Variants in FGF13 observed in about 807,000 individuals in gnomAD.
FGF13 encodes the protein fibroblast growth factor 13.
A neutral mutation model predicts 19.5 loss-of-function variants in FGF13; 2 were observed. The ratio of observed to expected loss-of-function variants is 0.10; its 90% CI spans 0.04 to 0.32. FGF13 has a LOEUF of 0.32. Among genes scored for constraint, FGF13 ranks in the 10% least tolerant of loss-of-function variants. The pLI is 1.00. For synonymous variants in FGF13, 72 were observed against 76.9 expected, an observed-to-expected ratio of 0.94 and a Z score of 0.33; for missense variants, 113 against 192.7, an observed-to-expected ratio of 0.59 and a Z score of 2.45.
intron 1 of FGF13, among the ~76,000 whole-genome samples, chrX:139,073,133 TCC>T (rs112886945): frequency 1.9e-5 from 2 of 104,157 alleles, no homozygotes; most frequent in African/African-American, 7.0e-5. Flanking sequence ...GAGCTGTTTT[TCC>T]CCCCCCCCTT....
At chrX:139,193,057 T>A (rs1015998237) in intron 1 of FGF13, among the ~76,000 whole-genome samples, 7 of 111,683 alleles carry the variant, frequency 6.3e-5, no homozygotes, top group Non-Finnish European at 1.3e-4. Context: ...AATTTACACA[T>A]GCATTAAAAT....
chrX:139,029,246 C>G (rs1405150067), intron 1 of FGF13, among the ~76,000 whole-genome samples: 1 of 111,854 alleles, frequency 8.9e-6, no homozygotes, highest in Non-Finnish European at 1.9e-5. Flanking sequence ...CTGCATTCAG[C>G]AAGCCGTGAA....
At chrX:138,775,080 C>T (rs895034096) in intron 3 of FGF13, among the ~76,000 whole-genome samples, 6 of 112,457 alleles carry the variant, frequency 5.3e-5, no homozygotes, top group Non-Finnish European at 9.4e-5. Flanking sequence ...GTGCCTCAGC[C>T]TCCCAAGTAG....
At chrX:138,638,725 C>G (rs777257226) in intron 3 of FGF13, among the ~76,000 whole-genome samples, 1 of 112,026 alleles carries the variant, frequency 8.9e-6, no homozygotes, top group South Asian at 3.7e-4. Context: ...AAAAAGTCTG[C>G]AGGGATTTTC....
At chrX:138,934,014 T>C (rs930475136) in intron 1 of FGF13, among the ~76,000 whole-genome samples, 2 of 112,355 alleles carry the variant, frequency 1.8e-5, no homozygotes, top group African/African-American at 3.2e-5. Flanking sequence ...TATTTCAAAA[T>C]CTTCTATAAT....
chrX:139,106,023 T>A lies in FGF13; in HGVS notation c.-113+97393A>T, dbSNP rs185471432. 8.6e-4 allele frequency among the ~76,000 whole-genome samples: 97 copies of A among 112,517 alleles called. 1 individual carries two copies. Among genetic ancestry groups the A allele is most frequent in the African/African-American group, 2.8e-3 (86 of 31,021 alleles). On this transcript the variant is annotated intron_variant, in intron 1 of 2. Coordinates refer to the FGF13 transcript ENST00000421460. ...TGTGGAGAGGCATTTGGTTGACTTC[T>A]GTTGGCAATAGCAGCATTCCAGAGA...
intron 1 of FGF13, among the ~76,000 whole-genome samples, chrX:139,122,367 T>C (rs1468399426): frequency 4.5e-5 from 5 of 111,589 alleles, no homozygotes; most frequent in Non-Finnish European, 9.4e-5. Context: ...GTAAAGCTGT[T>C]AGACAGAAAT....
intron 1 of FGF13, among the ~76,000 whole-genome samples, chrX:138,956,753 T>C (rs750835782): frequency 9.0e-6 from 1 of 111,496 alleles, no homozygotes; most frequent in East Asian, 2.8e-4. Flanking sequence ...AGGGATTCTC[T>C]GGTTAAAATA....
intron 3 of FGF13, among the ~76,000 whole-genome samples, chrX:138,696,122 A>T (rs1044056247): frequency 8.9e-6 from 1 of 111,994 alleles, no homozygotes; most frequent in African/African-American, 3.2e-5. Context: ...GAATAAACCA[A>T]TGTAGGAACA....
chrX:138,664,276 C>T (rs1041909859), intron 3 of FGF13, among the ~76,000 whole-genome samples: 2 of 111,873 alleles, frequency 1.8e-5, no homozygotes, highest in Admixed American at 1.9e-4. Flanking sequence ...GAAACTTTGG[C>T]TAGCACAGTC....
chrX:139,151,479 G>A (rs981735485), intron 1 of FGF13, among the ~76,000 whole-genome samples: 3 of 112,082 alleles, frequency 2.7e-5, no homozygotes, highest in Admixed American at 9.5e-5. Flanking sequence ...AAGAAAAACT[G>A]TTAGCAAGAT....
In FGF13 at chrX:138,618,811, GT is replaced by G. The variant is rs1196675490; in HGVS notation, c.*14038del. 1 of 111,713 alleles carries G rather than the reference GT, an allele frequency of 9.0e-6. No individual in the cohort carries two copies. Among genetic ancestry groups the G allele is most frequent in the African/African-American group, 3.3e-5 (1 of 30,713 alleles). The allele number at this position is 111,713 out of a possible 1,213,427, so 9.2% of individuals were successfully genotyped here. A position where few individuals can be genotyped will look rare whatever the true frequency, so the allele number is the denominator to read the frequency against. ...TGGGAAACTCTCAGAATTTGGTTTGGTTTTATGAAATTAAGAAAATACAGAT... is the reference window on the plus strand; with the variant it reads ...TGGGAAACTCTCAGAATTTGGTTTGGTTTATGAAATTAAGAAAATACAGAT... On this transcript the variant is annotated 3_prime_UTR_variant, in exon 5 of 5. Coordinates refer to ENST00000315930, the MANE Select transcript of FGF13 (RefSeq NM_004114.5).
chrX:138,962,238 G>GA (rs1053326539), intron 1 of FGF13, among the ~76,000 whole-genome samples: 1 of 112,215 alleles, frequency 8.9e-6, no homozygotes, highest in African/African-American at 3.2e-5. Flanking sequence ...ACAGACACAT[G>GA]AAAAAATGCT....
At chrX:138,828,335 G>A (rs1322153835) in intron 3 of FGF13, among the ~76,000 whole-genome samples, 1 of 110,501 alleles carries the variant, frequency 9.0e-6, no homozygotes, top group Non-Finnish European at 1.9e-5. Flanking sequence ...TTGGGAGGCC[G>A]AGGCGGGCGG....
In FGF13 at chrX:139,124,424, C is replaced by T. The variant is rs769870381; in HGVS notation, c.-113+78992G>A. Among the ~76,000 whole-genome samples, 8 of 112,155 alleles carry T rather than the reference C, an allele frequency of 7.1e-5. No individual in the cohort carries two copies. The South Asian group carries it at 2.2e-3, about 32-fold the overall frequency. ...TTTCTTCTTCAGGATAAACATCATC[C>T]AGTCCCTTCAGTGCCCTCACAGGTC... On this transcript the variant is annotated intron_variant, in intron 1 of 2. Transcript: ENST00000421460.
chrX:139,133,585 G>T (rs759451781), intron 1 of FGF13, among the ~76,000 whole-genome samples: 1 of 110,879 alleles, frequency 9.0e-6, no homozygotes, highest in African/African-American at 3.3e-5. Flanking sequence ...TGCAATTATA[G>T]TGCTCTCTCT....
intron 1 of FGF13, among the ~76,000 whole-genome samples, chrX:139,008,189 C>T (rs138925046): frequency 2.8e-3 from 317 of 112,135 alleles, no homozygotes; most frequent in African/African-American, 9.9e-3. Context: ...CCTATCCCTG[C>T]CCCCACCTGG....
At chrX:138,733,118 G>A (rs2090245459) in intron 1 of FGF13, among the ~76,000 whole-genome samples, 1 of 111,514 alleles carries the variant, frequency 9.0e-6, no homozygotes, top group East Asian at 2.8e-4. Context: ...ATTTTCATGA[G>A]TTATGAGTGT....
At chrX:138,985,283 G>A (rs1275624044) in intron 1 of FGF13, among the ~76,000 whole-genome samples, 1 of 112,309 alleles carries the variant, frequency 8.9e-6, no homozygotes, top group Non-Finnish European at 1.9e-5. Flanking sequence ...AAGTTAACAA[G>A]GTTCATAGAA....
Sources: allele counts gnomAD v4.1 joint callset (sites outside exome capture counted in the v4.1 genomes callset), GRCh38; gene constraint gnomAD v4.1.1; transcripts MANE v1.5; gene names NCBI Gene and HGNC (gene_info 2026-07-23, HGNC 2026-07-21).